TTLL5: variants seen among roughly 807,000 people sequenced by gnomAD.
The protein encoded by TTLL5 is tubulin tyrosine ligase like 5, also known as tubulin polyglutamylase TTLL5.
TTLL5 carries 132 observed loss-of-function variants against 168.4 expected under a neutral mutation model. The ratio of observed to expected loss-of-function variants is 0.78; its 90% CI spans 0.68 to 0.91. TTLL5 has a LOEUF of 0.91. TTLL5 is among the 40% of genes least tolerant of loss of function. The pLI is 0.00. For synonymous variants in TTLL5, 546 were observed against 558.6 expected (o/e 0.98, Z 0.32); for missense variants, 1,545 against 1,581.5 (o/e 0.98, Z 0.39).
chr14:75,823,785 T>C (rs541028834), intron 28 of TTLL5, among the ~76,000 whole-genome samples: 4 of 152,302 alleles, frequency 2.6e-5, no homozygotes, highest in African/African-American at 7.2e-5. Context: ...CAGCTCCCAT[T>C]GTCTAGAGAA....
chr14:75,685,197 A>C (rs776119132), intron 5 of TTLL5, among the ~76,000 whole-genome samples: 3 of 151,948 alleles, frequency 2.0e-5, no homozygotes. Context: ...ACCCTGGGCA[A>C]CATGGCAAAA....
chr14:75,888,645 AGTGGCTCAGGCTGGGCATG>A (rs1293137961), intron 30 of TTLL5, among the ~76,000 whole-genome samples: 7 of 152,242 alleles, frequency 4.6e-5, no homozygotes, highest in South Asian at 2.1e-4. Context: ...AGTTGGGCAC[AGTGGCTCAGGCTGGGCATG>A]GTGGCTCATG....
chr14:75,860,747 G>T (rs1356678103), intron 28 of TTLL5, among the ~76,000 whole-genome samples: 1 of 151,870 alleles, frequency 6.6e-6, no homozygotes, highest in Non-Finnish European at 1.5e-5. Context: ...TCCCCCTTTC[G>T]TTCACAGCTC....
intron 2 of TTLL5, among the ~76,000 whole-genome samples, chr14:75,666,507 A>G (rs1883272043): frequency 6.6e-6 from 1 of 152,258 alleles, no homozygotes; most frequent in African/African-American, 2.4e-5. Flanking sequence ...TTTAATTGCT[A>G]TTGTAAAAGG....
At chr14:75,938,618 G>C (rs1296191535) in intron 31 of TTLL5, among the ~76,000 whole-genome samples, 1 of 152,194 alleles carries the variant, frequency 6.6e-6, no homozygotes, top group African/African-American at 2.4e-5. Flanking sequence ...AATCCAGTGA[G>C]GTACACACGT....
At chr14:75,852,000 C>CTTA (rs1222917138) in intron 28 of TTLL5, among the ~76,000 whole-genome samples, 2 of 152,168 alleles carry the variant, frequency 1.3e-5, no homozygotes, top group Non-Finnish European at 2.9e-5. Flanking sequence ...ATGTGCTAAA[C>CTTA]GCTGTACATA....
At chr14:75,827,014 A>G (rs2140428864) in intron 28 of TTLL5, among the ~76,000 whole-genome samples, 1 of 152,352 alleles carries the variant, frequency 6.6e-6, no homozygotes, top group East Asian at 1.9e-4. Context: ...AAGAGGTCTC[A>G]GGAGTTAAGA....
chr14:75,732,282 TG>T (rs1403542062), intron 12 of TTLL5, 55 bp from the exon 13 acceptor site: 2 of 1,514,620 alleles, frequency 1.3e-6, no homozygotes, highest in African/African-American at 2.8e-5. Context: ...TCTAGATCTT[TG>T]TGTAGTTGTG....
At chr14:75,881,189 CA>C (rs1226134554) in intron 29 of TTLL5, among the ~76,000 whole-genome samples, 1 of 152,214 alleles carries the variant, frequency 6.6e-6, no homozygotes, top group Non-Finnish European at 1.5e-5. Context: ...GCTAGGATTA[CA>C]GGCATTAGCC....
intron 12 of TTLL5, among the ~76,000 whole-genome samples, chr14:75,724,654 T>C (rs1315657164): frequency 6.6e-6 from 1 of 152,202 alleles, no homozygotes; most frequent in Non-Finnish European, 1.5e-5. Context: ...ACTCAGCTTG[T>C]ATCTATGGGG....
chr14:75,820,140 A>C lies in TTLL5; in HGVS notation c.3305A>C (p.His1102Pro). The C allele has an allele frequency of 6.3e-7, 1 of 1,591,962 alleles. No homozygotes were observed. Among genetic ancestry groups the C allele is most frequent in the Non-Finnish European group, 8.5e-7 (1 of 1,170,598 alleles). Residue 1102 changes from histidine (H) to proline (P), a missense_variant, in exon 28 of 32, where the codon CAC (histidine) becomes CCC (proline). His to Pro is a moderately conservative substitution (Grantham distance 77). Coordinates refer to ENST00000298832, the MANE Select transcript of TTLL5 (RefSeq NM_015072.5). ...TCAGACCCCCAAGCTCCCGAGAATC[A>C]CTCCAGCTCTCCTGGAAGCAGGTAT... The part of the protein sequence containing the change: ...TQSDPQAPEN[H>P]SSSPGSRSLQ...
At chr14:75,796,072 A>G (rs1892979449) in intron 27 of TTLL5, among the ~76,000 whole-genome samples, 1 of 151,690 alleles carries the variant, frequency 6.6e-6, no homozygotes, top group Non-Finnish European at 1.5e-5. Context: ...TTCCCTTTTC[A>G]CCTCTTCCAT....
Position 75,734,416 on chromosome 14 carries a change from G to C in TTLL5, c.1186+366G>C, listed in dbSNP as rs74776298. 4.1e-3 allele frequency among the ~76,000 whole-genome samples: 624 copies of C among 152,306 alleles called. 3 individuals carry two copies. Among genetic ancestry groups the C allele is most frequent in the East Asian group, 0.015 (76 of 5,192 alleles). On this transcript the variant is annotated intron_variant, in intron 14 of 31. Transcript: ENST00000298832. ...CTAGACAGTCTCTACTGGTCTCAAC[G>C]TGATCCCTTCTGTAGTAGTTATAAC...
chr14:75,830,343 A>G (rs975822724), intron 28 of TTLL5, among the ~76,000 whole-genome samples: 14 of 152,234 alleles, frequency 9.2e-5, no homozygotes, highest in Admixed American at 3.3e-4. Context: ...AGCCAAGTCA[A>G]CAGATCAAAA....
At chr14:75,805,299 C>G (rs1201488070) in intron 27 of TTLL5, among the ~76,000 whole-genome samples, 2 of 152,200 alleles carry the variant, frequency 1.3e-5, no homozygotes, top group Non-Finnish European at 2.9e-5. Flanking sequence ...TCCCTGAAAA[C>G]TAGATTCCAT....
chr14:75,886,999 G>A (rs1345328716), intron 30 of TTLL5: 15 of 1,383,414 alleles, frequency 1.1e-5, no homozygotes, highest in African/African-American at 1.5e-5. Context: ...AACACAGACT[G>A]AACTGCAGTA....
intron 9 of TTLL5, among the ~76,000 whole-genome samples, chr14:75,712,964 A>T (rs1887195277): frequency 6.6e-6 from 1 of 152,198 alleles, no homozygotes; most frequent in Non-Finnish European, 1.5e-5. Flanking sequence ...AATAGTACCT[A>T]GGGTTTCAAA....
intron 6 of TTLL5, among the ~76,000 whole-genome samples, chr14:75,695,502 G>A (rs867043492): frequency 2.0e-5 from 3 of 152,116 alleles, no homozygotes; most frequent in African/African-American, 7.2e-5. Flanking sequence ...CACCCTATTC[G>A]TACACTCCCT....
intron 3 of TTLL5, among the ~76,000 whole-genome samples, chr14:75,676,334 T>C (rs1171648167): frequency 1.3e-5 from 2 of 152,226 alleles, no homozygotes; most frequent in Admixed American, 6.5e-5. Context: ...TCTATATTTT[T>C]ATATGAATTT....
Sources: gnomAD v4.1 joint callset for allele counts (sites outside exome capture counted in the v4.1 genomes callset) on GRCh38, gnomAD v4.1.1 for gene constraint, MANE v1.5 for transcripts, NCBI Gene and HGNC (gene_info 2026-07-23, HGNC 2026-07-21) for gene names.